DLGAP2: variants seen among roughly 807,000 people sequenced by gnomAD.
The protein encoded by DLGAP2 is disks large-associated protein 2.
A neutral mutation model predicts 100.3 loss-of-function variants in DLGAP2; 26 were observed. The ratio of observed to expected loss-of-function variants is 0.26; its 90% CI spans 0.19 to 0.36. DLGAP2 has a LOEUF of 0.36. Ranked by LOEUF, DLGAP2 falls within the 10% of genes least tolerant of loss-of-function variation. The pLI is 1.00. For missense variants in DLGAP2, 1,858 were observed against 1,453.2 expected, an observed-to-expected ratio of 1.28 and a Z score of -4.53; for synonymous variants, 886 against 630.1, an observed-to-expected ratio of 1.41 and a Z score of -6.08.
intron 2 of DLGAP2, among the ~76,000 whole-genome samples, chr8:1,083,477 C>T (rs1803875982): frequency 6.6e-6 from 1 of 152,114 alleles, no homozygotes; most frequent in Non-Finnish European, 1.5e-5. Flanking sequence ...TTTGTGTTGA[C>T]CTTTTAGTGC....
intron 1 of DLGAP2, among the ~76,000 whole-genome samples, chr8:878,266 A>G (rs11777864): frequency 0.13 from 20,034 of 152,182 alleles, 1,614 homozygotes; most frequent in Admixed American, 0.19. Context: ...TTTTAGGAGA[A>G]TACGGGATAT....
Position 1,188,474 on chromosome 8 carries a change from G to C in DLGAP2, c.74-70377G>C, listed in dbSNP as rs902621176. 8.2e-5 allele frequency among the ~76,000 whole-genome samples: 11 copies of C among 133,786 alleles called. 1 individual carries two copies. The highest frequency in any genetic ancestry group is 1.7e-4 in the Non-Finnish European group (11 of 66,378). The allele number at this position is 133,786 out of a possible 152,430, so 87.8% of individuals were successfully genotyped here. ...CCCTCACGGAATCTCGCACGCCCGG[G>C]ACTTCCGTGACGTTTCCCTCACGGA... is the stretch of plus-strand genomic sequence containing the variant. On this transcript the variant is annotated intron_variant, in intron 2 of 14. Coordinates refer to ENST00000637795, the MANE Select transcript of DLGAP2 (RefSeq NM_001346810.2).
intron 3 of DLGAP2, among the ~76,000 whole-genome samples, chr8:1,303,059 G>A (rs1385876904): frequency 2.6e-5 from 4 of 152,154 alleles, no homozygotes; most frequent in African/African-American, 9.7e-5. Context: ...ACTCCACCTC[G>A]CAGGGGAGCG....
intron 3 of DLGAP2, among the ~76,000 whole-genome samples, chr8:1,315,915 G>C (rs566572392): frequency 7.3e-6 from 1 of 136,068 alleles, no homozygotes; most frequent in Non-Finnish European, 1.6e-5. Context: ...TTTAAAAATA[G>C]AGCGTGTGCG....
chr8:1,416,772 C>G (rs924463646), intron 3 of DLGAP2, among the ~76,000 whole-genome samples: 44 of 152,162 alleles, frequency 2.9e-4, no homozygotes, highest in African/African-American at 1.0e-3. Context: ...AAGAGGAGAG[C>G]CTGGGGGCGG....
chr8:1,563,386 G>A (rs1180914563), intron 5 of DLGAP2, among the ~76,000 whole-genome samples: 1 of 57,230 alleles, frequency 1.7e-5, no homozygotes, highest in Non-Finnish European at 3.4e-5. Context: ...GTGGTGTTGG[G>A]GTGTCCGCGC....
At chr8:1,251,871 G>A in intron 2 of DLGAP2, among the ~76,000 whole-genome samples, 1 of 152,210 alleles carries the variant, frequency 6.6e-6, no homozygotes, top group East Asian at 1.9e-4. Flanking sequence ...GTTGTCTTAG[G>A]GTCATGTGTC....
intron 2 of DLGAP2, among the ~76,000 whole-genome samples, chr8:1,127,157 G>T (rs1409089332): frequency 6.6e-6 from 1 of 150,488 alleles, no homozygotes; most frequent in Admixed American, 6.6e-5. Flanking sequence ...ACCCCACCCT[G>T]TCCCCAACCC....
chr8:1,578,691 A>G (rs964517630), intron 6 of DLGAP2, among the ~76,000 whole-genome samples: 1 of 152,200 alleles, frequency 6.6e-6, no homozygotes, highest in South Asian at 2.1e-4. Context: ...GCACATCCTA[A>G]TTATATATAT....
chr8:858,031 G>A (rs561102593), intron 1 of DLGAP2, among the ~76,000 whole-genome samples: 6 of 152,156 alleles, frequency 3.9e-5, no homozygotes, highest in Non-Finnish European at 7.4e-5. Flanking sequence ...CACCATGCCC[G>A]GCTAATTTTG....
At chr8:1,074,843 C>T (rs1311572134) in intron 2 of DLGAP2, among the ~76,000 whole-genome samples, 1 of 152,182 alleles carries the variant, frequency 6.6e-6, no homozygotes, top group African/African-American at 2.4e-5. Flanking sequence ...CAAAGGGATC[C>T]GCAGCCTCCA....
intron 2 of DLGAP2, among the ~76,000 whole-genome samples, chr8:1,101,299 CA>C (rs1260563955): frequency 6.6e-6 from 1 of 152,148 alleles, no homozygotes; most frequent in African/African-American, 2.4e-5. Context: ...GGCCGAGGAG[CA>C]GGGGGGCCAT....
chr8:1,597,127 T>G (rs987434724), intron 6 of DLGAP2, among the ~76,000 whole-genome samples: 1 of 152,208 alleles, frequency 6.6e-6, no homozygotes. Flanking sequence ...ATGGAATCCT[T>G]TCCCCATTGT....
intron 3 of DLGAP2, among the ~76,000 whole-genome samples, chr8:1,418,289 C>G (rs774848333): frequency 3.6e-4 from 55 of 152,050 alleles, no homozygotes; most frequent in Non-Finnish European, 6.9e-4. Context: ...ATAGTATGGT[C>G]TAAAAATTAA....
chr8:1,019,956 C>A (rs1378034563), intron 2 of DLGAP2, among the ~76,000 whole-genome samples: 1 of 152,166 alleles, frequency 6.6e-6, no homozygotes, highest in African/African-American at 2.4e-5. Flanking sequence ...TCCCCAGCAG[C>A]ACGATAAAAT....
intron 2 of DLGAP2, among the ~76,000 whole-genome samples, chr8:1,207,474 A>G (rs7831163): frequency 0.55 from 83,535 of 151,772 alleles, 25,226 homozygotes; most frequent in African/African-American, 0.81. Context: ...TTTTTTACTC[A>G]TTAGTTGATA....
chr8:1,638,235 G>A (rs566694237), intron 8 of DLGAP2, among the ~76,000 whole-genome samples: 3 of 152,252 alleles, frequency 2.0e-5, no homozygotes, highest in Admixed American at 6.5e-5. Flanking sequence ...ATGTGACTGC[G>A]TTTCAGACAG....
Position 1,189,075 on chromosome 8 carries a change from C to T in DLGAP2, c.74-69776C>T, listed in dbSNP as rs150262108. On this transcript the variant is annotated intron_variant, in intron 2 of 14. Coordinates refer to ENST00000637795, the MANE Select transcript of DLGAP2 (RefSeq NM_001346810.2). ...GTTGAGCATACACAGGGTTCGGGCC[C>T]CAGGCCGGTTCCGCGGTTGGGGTTG... Among the ~76,000 whole-genome samples the T allele has an allele frequency of 6.5e-5, 8 of 123,444 alleles. 1 individual carries two copies. The highest frequency in any genetic ancestry group is 4.1e-4 in the African/African-American group (7 of 17,170). The allele number at this position is 123,444 out of a possible 152,430, so 81.0% of individuals were successfully genotyped here. A position where few individuals can be genotyped will look rare whatever the true frequency, so the allele number is the denominator to read the frequency against.
intron 4 of DLGAP2, among the ~76,000 whole-genome samples, chr8:1,502,165 A>C (rs185773017): frequency 3.7e-3 from 566 of 152,226 alleles, no homozygotes; most frequent in Non-Finnish European, 5.2e-3. Flanking sequence ...AACCTAAAAG[A>C]GGTTTGTTGC....
Sources: allele counts gnomAD v4.1 joint callset (sites outside exome capture counted in the v4.1 genomes callset), GRCh38; gene constraint gnomAD v4.1.1; transcripts MANE v1.5; gene names NCBI Gene and HGNC (gene_info 2026-07-23, HGNC 2026-07-21).